The following CDH18 variants were observed in gnomAD, a reference collection of about 807,000 sequenced individuals.
CDH18 encodes the protein cadherin-18.
CDH18 carries 31 observed loss-of-function variants against 67.9 expected under a neutral mutation model. The observed-to-expected ratio is 0.46, with a 90% confidence interval of 0.34 to 0.62. CDH18 has a LOEUF of 0.62. Among genes scored for constraint, CDH18 ranks in the 20% least tolerant of loss-of-function variants. The pLI is 0.01. For missense variants in CDH18, 890 were observed against 975.5 expected, an observed-to-expected ratio of 0.91 and a Z score of 1.17; for synonymous variants, 362 against 347.2, an observed-to-expected ratio of 1.04 and a Z score of -0.48.
At chr5:19,822,408 G>A (rs1380151129) in intron 3 of CDH18, among the ~76,000 whole-genome samples, 1 of 152,158 alleles carries the variant, frequency 6.6e-6, no homozygotes, top group Non-Finnish European at 1.5e-5. Flanking sequence ...TCTATCTGGG[G>A]AAATTCAGCC....
chr5:20,434,649 C>A (rs1488142173), intron 1 of CDH18, among the ~76,000 whole-genome samples: 1 of 151,916 alleles, frequency 6.6e-6, no homozygotes, highest in East Asian at 1.9e-4. Flanking sequence ...ATTTTATATT[C>A]TATTTCTTAA....
chr5:20,336,260 G>T (rs1255825841), intron 1 of CDH18, among the ~76,000 whole-genome samples: 2 of 152,064 alleles, frequency 1.3e-5, no homozygotes, highest in Non-Finnish European at 2.9e-5. Flanking sequence ...CAGCAGTTAG[G>T]ATCACCACTC....
At chr5:20,005,863 T>C (rs192211992) in intron 2 of CDH18, among the ~76,000 whole-genome samples, 58 of 152,166 alleles carry the variant, frequency 3.8e-4, no homozygotes, top group Non-Finnish European at 7.2e-4. Context: ...TAACTACGTT[T>C]CATGGATTGA....
intron 11 of CDH18, among the ~76,000 whole-genome samples, chr5:19,489,897 A>G (rs1741110618): frequency 6.6e-6 from 1 of 152,068 alleles, no homozygotes; most frequent in Non-Finnish European, 1.5e-5. Context: ...TGAGCTTTTA[A>G]AATAAAGTCC....
intron 2 of CDH18, among the ~76,000 whole-genome samples, chr5:20,035,449 A>C (rs1739767723): frequency 6.6e-6 from 1 of 152,020 alleles, no homozygotes; most frequent in Non-Finnish European, 1.5e-5. Flanking sequence ...AGATTTAATT[A>C]ACTCATACTT....
At chr5:20,194,508 C>T (rs1181597910) in intron 2 of CDH18, among the ~76,000 whole-genome samples, 1 of 151,966 alleles carries the variant, frequency 6.6e-6, no homozygotes, top group African/African-American at 2.4e-5. Flanking sequence ...CTGAGACACT[C>T]TGAACAGATA....
chr5:19,845,361 T>C lies in CDH18; in HGVS notation c.-256-6119A>G, dbSNP rs1782812701. ...CTATTTATTTCTACCTAACTTCCAT[T>C]GTATTTGGAAAAGACACCAGCTATC... On this transcript the variant is annotated intron_variant, in intron 2 of 12. Transcript: ENST00000382275. Among the ~76,000 whole-genome samples, 5 of 152,150 alleles carry C rather than the reference T, an allele frequency of 3.3e-5. No individual in the cohort carries two copies. In the South Asian group the frequency reaches 1.0e-3, roughly 31 times the overall value.
At chr5:20,115,745 C>A (rs994109257) in intron 2 of CDH18, among the ~76,000 whole-genome samples, 2 of 152,086 alleles carry the variant, frequency 1.3e-5, no homozygotes, top group Admixed American at 1.3e-4. Flanking sequence ...ATTATGACTT[C>A]ATGTATACTC....
intron 1 of CDH18, among the ~76,000 whole-genome samples, chr5:20,303,874 T>C (rs557240635): frequency 6.6e-6 from 1 of 152,322 alleles, no homozygotes; most frequent in Admixed American, 6.5e-5. Context: ...GAGAGTGCGG[T>C]TTCTTGACAC....
At chr5:20,501,242 G>A (rs1754229668) in intron 1 of CDH18, among the ~76,000 whole-genome samples, 1 of 151,182 alleles carries the variant, frequency 6.6e-6, no homozygotes, top group African/African-American at 2.4e-5. Context: ...AAATAACTGT[G>A]GAATTACTAA....
rs1160403692 is a variant in CDH18 at position 20,376,242 on chromosome 5, C to G, written c.-579-120737G>C. Among the ~76,000 whole-genome samples, 3 of 150,894 alleles carry G rather than the reference C, an allele frequency of 2.0e-5. No individual in the cohort carries two copies. In the East Asian group the frequency reaches 5.9e-4, roughly 30 times the overall value. ...CCGAGTAGCTGGGACTACAGGCGCC[C>G]GCCACCTCGCCCAGCTAATTTTTTG... On this transcript the variant is annotated intron_variant, in intron 1 of 14. Transcript: ENST00000507958.
chr5:19,593,135 C>T (rs1408820627), intron 6 of CDH18, among the ~76,000 whole-genome samples: 1 of 152,026 alleles, frequency 6.6e-6, no homozygotes, highest in African/African-American at 2.4e-5. Context: ...CATAGGAATG[C>T]TAATATTTAT....
At chr5:19,745,336 T>C (rs978098775) in intron 4 of CDH18, among the ~76,000 whole-genome samples, 7 of 152,204 alleles carry the variant, frequency 4.6e-5, no homozygotes, top group African/African-American at 1.7e-4. Context: ...TATTGGCTAC[T>C]GTTTAGTATA....
Position 19,776,675 on chromosome 5 carries a change from T to C in CDH18, c.229-29439A>G, listed in dbSNP as rs1225098379. Among the ~76,000 whole-genome samples, 4 of 152,210 alleles carry C rather than the reference T, an allele frequency of 2.6e-5. No individual in the cohort carries two copies. In the East Asian group the frequency reaches 7.7e-4, roughly 29 times the overall value. On this transcript the variant is annotated intron_variant, in intron 3 of 12. Transcript: ENST00000382275. ...GATTATATTAACAAAAGTAAGCCCA[T>C]AGACTTCTCTTATTCAAATGACTGT...
intron 2 of CDH18, among the ~76,000 whole-genome samples, chr5:19,870,574 G>A (rs563005897): frequency 6.6e-6 from 1 of 152,202 alleles, no homozygotes; most frequent in African/African-American, 2.4e-5. Context: ...CAGAGAATAA[G>A]ATTTCTTCAA....
intron 2 of CDH18, among the ~76,000 whole-genome samples, chr5:20,216,901 C>T (rs1311691603): frequency 6.6e-6 from 1 of 151,874 alleles, no homozygotes; most frequent in Non-Finnish European, 1.5e-5. Flanking sequence ...CAAAAAATAA[C>T]ATACAAAGAA....
intron 2 of CDH18, among the ~76,000 whole-genome samples, chr5:20,221,939 G>A (rs1044060842): frequency 6.6e-6 from 1 of 151,826 alleles, no homozygotes; most frequent in Non-Finnish European, 1.5e-5. Flanking sequence ...AATTTATCTT[G>A]TTGTACTTAT....
chr5:20,478,507 A>G (rs777303963), intron 1 of CDH18, among the ~76,000 whole-genome samples: 1 of 151,392 alleles, frequency 6.6e-6, no homozygotes, highest in Non-Finnish European at 1.5e-5. Flanking sequence ...TCATGGGGAT[A>G]AAATCCTTCT....
intron 3 of CDH18, among the ~76,000 whole-genome samples, chr5:19,814,519 A>G (rs908890046): frequency 3.0e-5 from 4 of 131,306 alleles, no homozygotes; most frequent in African/African-American, 1.1e-4. Context: ...GGGCTCTACA[A>G]ACTACATACC....
Sources: gnomAD v4.1 joint callset for allele counts (sites outside exome capture counted in the v4.1 genomes callset) on GRCh38, gnomAD v4.1.1 for gene constraint, MANE v1.5 for transcripts, NCBI Gene and HGNC (gene_info 2026-07-23, HGNC 2026-07-21) for gene names.